Variants in RIC8B observed in about 807,000 individuals in gnomAD.
The protein encoded by RIC8B is chaperone Ric-8B.
A neutral mutation model predicts 57.5 loss-of-function variants in RIC8B; 16 were observed. That is an observed-to-expected ratio of 0.28 (90% CI 0.19 to 0.42). The LOEUF is 0.42. Among genes scored for constraint, RIC8B ranks in the 10% least tolerant of loss-of-function variants. RIC8B has a pLI of 1.00. For missense variants in RIC8B, 481 were observed against 677.0 expected (o/e 0.71, Z 3.21); for synonymous variants, 216 against 250.8 (o/e 0.86, Z 1.31).
chr12:106,842,808 A>T lies in RIC8B; in HGVS notation c.1056A>T (p.Arg352Ser), dbSNP rs1428144752. ...IHVLLNFMEK[R>S]IDKGSSYREG... ...TTTTACTGAATTTTATGGAGAAGAG[A>T]ATAGACAAGGTAAGGCTGATAAAAT... Residue 352 changes from arginine to serine, a missense_variant, in exon 5 of 10, where the codon AGA (arginine) becomes AGT (serine). By Grantham distance (110) the Arg-to-Ser change is moderately radical. This residue lies in a region of RIC8B where 421 missense variants were observed against 560.9 expected (regional missense o/e 0.75). Coordinates refer to ENST00000392837, the MANE Select transcript of RIC8B (RefSeq NM_001330145.2). The T allele has an allele frequency of 5.6e-6, 9 of 1,601,254 alleles. No individual in the cohort carries two copies. In the South Asian group the frequency reaches 8.8e-5, roughly 16 times the overall value.
chr12:106,827,089 A>G (rs2046138683), intron 4 of RIC8B, among the ~76,000 whole-genome samples: 1 of 152,164 alleles, frequency 6.6e-6, no homozygotes, highest in African/African-American at 2.4e-5. Flanking sequence ...AAATAAATAA[A>G]ATAGTTCAAA....
At chr12:106,816,210 G>A (rs780547646) in intron 3 of RIC8B, among the ~76,000 whole-genome samples, 2 of 152,040 alleles carry the variant, frequency 1.3e-5, no homozygotes, top group Non-Finnish European at 2.9e-5. Flanking sequence ...TGTCTTTTTT[G>A]ACAATTGACT....
chr12:106,875,913 G>A (rs1950641054), intron 9 of RIC8B, among the ~76,000 whole-genome samples: 1 of 151,838 alleles, frequency 6.6e-6, no homozygotes, highest in Non-Finnish European at 1.5e-5. Context: ...GGCTGAGATA[G>A]GTAGTTTATA....
At position 106,860,369 on chromosome 12, in the gene RIC8B, G is replaced by C. The variant is rs1379977043; in HGVS notation, c.1408G>C (p.Asp470His). 2 of 1,603,812 alleles carry C rather than the reference G, an allele frequency of 1.2e-6. No individual in the cohort carries two copies. Among genetic ancestry groups the C allele is most frequent in the Non-Finnish European group, 1.7e-6 (2 of 1,175,008 alleles). ...AAGAGGAGATAATTGGTACTCAGAG[G>C]ATGAGGACACAGACACTGAAGAATA... is the stretch of plus-strand genomic sequence containing the variant. ...GGRGDNWYSEDEDTDTEEYKN... is the reference protein window; with the variant it reads ...GGRGDNWYSEHEDTDTEEYKN... The change falls in exon 8 of 10, where the codon GAT (aspartate) becomes CAT (histidine). Residue 470 changes from aspartate to histidine, a missense_variant. Physicochemically the swap from Asp to His is moderately conservative, Grantham distance 81. Transcript: ENST00000392837.
At chr12:106,863,068 G>C (rs1370026628) in intron 8 of RIC8B, among the ~76,000 whole-genome samples, 1 of 152,106 alleles carries the variant, frequency 6.6e-6, no homozygotes, top group Non-Finnish European at 1.5e-5. Context: ...TAATGCCTCT[G>C]AGAATGGAGG....
chr12:106,808,402 C>T (rs2045161418), intron 2 of RIC8B, among the ~76,000 whole-genome samples: 1 of 152,132 alleles, frequency 6.6e-6, no homozygotes, highest in Admixed American at 6.5e-5. Context: ...TCTGGTATCT[C>T]AGTTTTGCTA....
chr12:106,789,462 A>C (rs2044174505), intron 2 of RIC8B, among the ~76,000 whole-genome samples: 3 of 152,128 alleles, frequency 2.0e-5, no homozygotes, highest in Admixed American at 2.0e-4. Flanking sequence ...ATAAAGACAT[A>C]CCCGAGACTG....
Position 106,790,584 on chromosome 12 carries a change from G to C in RIC8B, c.132+6540G>C, listed in dbSNP as rs190674146. Among the ~76,000 whole-genome samples, 382 of 152,282 alleles carry C rather than the reference G, an allele frequency of 2.5e-3. 1 individual carries two copies. Among genetic ancestry groups the C allele is most frequent in the African/African-American group, 8.4e-3 (348 of 41,544 alleles). On this transcript the variant is annotated intron_variant, in intron 2 of 9. Transcript: ENST00000392837. ...TATGTCATGCAAATATGTAGGATTG[G>C]TGGGGAGGATATAATGAATAATCTG... is the stretch of plus-strand genomic sequence containing the variant.
At chr12:106,876,065 G>C (rs991305517) in intron 9 of RIC8B, among the ~76,000 whole-genome samples, 3 of 152,036 alleles carry the variant, frequency 2.0e-5, no homozygotes, top group East Asian at 1.9e-4. Context: ...TCATAAACAT[G>C]ATCTAATTTT....
intron 9 of RIC8B, among the ~76,000 whole-genome samples, chr12:106,876,854 T>C (rs1256015742): frequency 6.6e-6 from 1 of 152,112 alleles, no homozygotes; most frequent in South Asian, 2.1e-4. Context: ...TAAGAACTTC[T>C]GTTTCTACTA....
chr12:106,790,703 G>C (rs887587123), intron 2 of RIC8B, among the ~76,000 whole-genome samples: 3 of 152,194 alleles, frequency 2.0e-5, no homozygotes, highest in Non-Finnish European at 4.4e-5. Flanking sequence ...ATTGCAATAA[G>C]TTTTGGAAGA....
intron 2 of RIC8B, among the ~76,000 whole-genome samples, chr12:106,810,290 T>TA (rs60993772): frequency 0.075 from 9,247 of 122,580 alleles, 554 homozygotes; most frequent in East Asian, 0.3. Flanking sequence ...ATACAGCTGG[T>TA]AAAAAAAAAA....
intron 3 of RIC8B, among the ~76,000 whole-genome samples, chr12:106,821,731 C>G (rs892697142): frequency 2.0e-5 from 3 of 152,020 alleles, no homozygotes; most frequent in African/African-American, 4.8e-5. Flanking sequence ...TCAGAATACA[C>G]TAAAAAGTCC....
chr12:106,880,177 C>G (rs1950858271), intron 9 of RIC8B, among the ~76,000 whole-genome samples: 1 of 151,842 alleles, frequency 6.6e-6, no homozygotes. Context: ...TTTGGTTTTC[C>G]TTTGTAATCA....
At chr12:106,791,739 G>A (rs2044268489) in intron 2 of RIC8B, among the ~76,000 whole-genome samples, 1 of 152,114 alleles carries the variant, frequency 6.6e-6, no homozygotes, top group South Asian at 2.1e-4. Flanking sequence ...TGTTTGGTTT[G>A]GCACTTTCTC....
intron 3 of RIC8B, among the ~76,000 whole-genome samples, chr12:106,825,443 G>A (rs1341900324): frequency 3.3e-5 from 5 of 152,084 alleles, no homozygotes; most frequent in East Asian, 1.9e-4. Context: ...TAGAAAAAAC[G>A]AATTTAGGCT....
chr12:106,824,636 C>T (rs2136326209), intron 3 of RIC8B, among the ~76,000 whole-genome samples: 1 of 152,258 alleles, frequency 6.6e-6, no homozygotes, highest in East Asian at 1.9e-4. Context: ...TGGCTGGCAC[C>T]TGTAATGCCA....
At chr12:106,789,523 C>T (rs59474668) in intron 2 of RIC8B, among the ~76,000 whole-genome samples, 16,286 of 152,038 alleles carry the variant, frequency 0.11, 1,014 homozygotes, top group Middle Eastern at 0.15. Flanking sequence ...GCTGGGGAGG[C>T]CTCAAAATTA....
chr12:106,822,405 C>T (rs924326131), intron 3 of RIC8B: 5 of 152,212 alleles, frequency 3.3e-5, no homozygotes, highest in East Asian at 1.9e-4. Context: ...AGCATCTCCT[C>T]TCTAGGGTGT....
Sources: gnomAD v4.1 joint callset for allele counts (sites outside exome capture counted in the v4.1 genomes callset) on GRCh38, gnomAD v4.1.1 for gene constraint, gnomAD v4.1.1 regional missense constraint, MANE v1.5 for transcripts, NCBI Gene and HGNC (gene_info 2026-07-23, HGNC 2026-07-21) for gene names.